KIF6: variants seen among roughly 807,000 people sequenced by gnomAD.
The protein encoded by KIF6 is kinesin-like protein KIF6.
A neutral mutation model predicts 112.7 loss-of-function variants in KIF6; 106 were observed. The observed-to-expected ratio is 0.94, with a 90% confidence interval of 0.80 to 1.11. The LOEUF (loss-of-function observed/expected upper bound fraction) is 1.11, where lower values mean the gene tolerates loss of function less well. Among genes scored for constraint, KIF6 ranks in the 50% least tolerant of loss-of-function variants. The pLI is 0.00. For missense variants in KIF6, 929 were observed against 964.0 expected, an observed-to-expected ratio of 0.96 and a Z score of 0.48; for synonymous variants, 339 against 339.9, an observed-to-expected ratio of 1.00 and a Z score of 0.03.
chr6:39,472,746 A>T (rs1774193028), intron 13 of KIF6, among the ~76,000 whole-genome samples: 1 of 152,228 alleles, frequency 6.6e-6, no homozygotes, highest in Non-Finnish European at 1.5e-5. Context: ...GCCCTGGCCA[A>T]GTAGGCCAGT....
intron 10 of KIF6, among the ~76,000 whole-genome samples, chr6:39,549,065 C>T (rs1322236003): frequency 6.6e-6 from 1 of 152,158 alleles, no homozygotes; most frequent in Non-Finnish European, 1.5e-5. Context: ...AAATTGACTG[C>T]TAATGAAATA....
At chr6:39,634,732 T>C in intron 5 of KIF6, 117 bp downstream of exon 5, 1 of 727,038 alleles carries the variant, frequency 1.4e-6, no homozygotes, top group South Asian at 1.6e-5. Flanking sequence ...AAAGATACGG[T>C]TATCCAGTAT....
chr6:39,713,268 T>G (rs564971783), intron 3 of KIF6, among the ~76,000 whole-genome samples: 2 of 152,338 alleles, frequency 1.3e-5, no homozygotes, highest in South Asian at 4.1e-4. Flanking sequence ...AGTGATCAAC[T>G]GTGTCAAAAT....
At chr6:39,360,640 C>A in intron 17 of KIF6, 110 bp from the exon 18 acceptor site, 1 of 1,291,330 alleles carries the variant, frequency 7.7e-7, no homozygotes, top group East Asian at 2.4e-5. Flanking sequence ...CAGAGCTGCC[C>A]TGGTGCTCAG....
chr6:39,496,981 C>T (rs1437257299), intron 13 of KIF6, among the ~76,000 whole-genome samples: 2 of 152,252 alleles, frequency 1.3e-5, no homozygotes, highest in African/African-American at 4.8e-5. Flanking sequence ...AAAGATTCCA[C>T]ACTGATGCTT....
At chr6:39,573,873 T>C (rs982002699) in intron 10 of KIF6, among the ~76,000 whole-genome samples, 9 of 152,222 alleles carry the variant, frequency 5.9e-5, no homozygotes, top group African/African-American at 2.2e-4. Context: ...AGGATCTAGG[T>C]TTTGCTCATA....
At chr6:39,625,824 C>T (rs1482476615) in intron 5 of KIF6, among the ~76,000 whole-genome samples, 2 of 152,074 alleles carry the variant, frequency 1.3e-5, no homozygotes, top group African/African-American at 4.8e-5. Flanking sequence ...GGAGAACTGG[C>T]TTCCAAAAGG....
chr6:39,564,198 G>A (rs564449849), intron 10 of KIF6, among the ~76,000 whole-genome samples: 100 of 152,258 alleles, frequency 6.6e-4, no homozygotes, highest in African/African-American at 2.1e-3. Flanking sequence ...GAAAAAGAAG[G>A]GGAAATCTGA....
intron 6 of KIF6, among the ~76,000 whole-genome samples, chr6:39,604,368 A>G (rs981361483): frequency 2.6e-5 from 4 of 152,162 alleles, no homozygotes; most frequent in African/African-American, 9.6e-5. Context: ...TCAGCCTGGA[A>G]AAGTGAGACC....
At chr6:39,694,352 C>T (rs1208743101) in intron 3 of KIF6, among the ~76,000 whole-genome samples, 1 of 151,998 alleles carries the variant, frequency 6.6e-6, no homozygotes, top group Non-Finnish European at 1.5e-5. Flanking sequence ...TAAAAGGCGT[C>T]CAAACAGAAA....
At chr6:39,372,910 C>T (rs767320543) in intron 16 of KIF6, among the ~76,000 whole-genome samples, 10 of 152,140 alleles carry the variant, frequency 6.6e-5, no homozygotes, top group Non-Finnish European at 1.2e-4. Context: ...TGTTCTTTCC[C>T]AAACTAATCA....
intron 13 of KIF6, among the ~76,000 whole-genome samples, chr6:39,448,336 G>A (rs1000338702): frequency 1.3e-5 from 2 of 151,890 alleles, no homozygotes; most frequent in Non-Finnish European, 2.9e-5. Context: ...CACCACACCC[G>A]GCTGATTTTT....
intron 13 of KIF6, among the ~76,000 whole-genome samples, chr6:39,483,596 G>A (rs1432971995): frequency 6.6e-6 from 1 of 152,138 alleles, no homozygotes; most frequent in Non-Finnish European, 1.5e-5. Flanking sequence ...TTTAGAGCAG[G>A]TTTTAAACCA....
intron 10 of KIF6, among the ~76,000 whole-genome samples, chr6:39,562,482 C>A (rs1004609503): frequency 2.6e-5 from 4 of 152,202 alleles, no homozygotes; most frequent in South Asian, 4.1e-4. Context: ...TTTTTGATAC[C>A]GAACCACGCA....
At chr6:39,629,159 A>G (rs963895291) in intron 5 of KIF6, among the ~76,000 whole-genome samples, 1 of 152,134 alleles carries the variant, frequency 6.6e-6, no homozygotes, top group African/African-American at 2.4e-5. Flanking sequence ...TTGTGTAGAC[A>G]TAAGTTTTCA....
intron 13 of KIF6, among the ~76,000 whole-genome samples, chr6:39,489,049 T>C (rs920003911): frequency 7.2e-5 from 11 of 152,312 alleles, no homozygotes; most frequent in Non-Finnish European, 1.5e-4. Flanking sequence ...AATTTTAAGT[T>C]CAGGGAAAAT....
At chr6:39,557,579 A>G (rs1779773326) in intron 10 of KIF6, among the ~76,000 whole-genome samples, 1 of 150,332 alleles carries the variant, frequency 6.7e-6, no homozygotes, top group South Asian at 2.1e-4. Context: ...ATTTAACAAT[A>G]AAAAAGTAAA....
chr6:39,545,189 T>C lies in KIF6; in HGVS notation c.1287+394A>G, dbSNP rs141421056. Among the ~76,000 whole-genome samples, 5 of 152,366 alleles carry C rather than the reference T, an allele frequency of 3.3e-5. No individual in the cohort carries two copies. The East Asian group carries it at 5.8e-4, about 18-fold the overall frequency. Reference sequence around the variant, plus strand: ...AGTGAGCTAAAAGTAAAAGTGATTATATTCCCAGCCCCTTGTCATGAAAAT... The same window carrying C: ...AGTGAGCTAAAAGTAAAAGTGATTACATTCCCAGCCCCTTGTCATGAAAAT... On this transcript the variant is annotated intron_variant, in intron 11 of 22. Transcript: ENST00000287152.
intron 13 of KIF6, among the ~76,000 whole-genome samples, chr6:39,529,972 CCTT>C (rs1166884448): frequency 2.0e-5 from 3 of 152,214 alleles, no homozygotes; most frequent in African/African-American, 7.2e-5. Context: ...TAAATCCTCT[CCTT>C]CTCCTTTGAA....
Sources: gnomAD v4.1 joint callset for allele counts (sites outside exome capture counted in the v4.1 genomes callset) on GRCh38, gnomAD v4.1.1 for gene constraint, MANE v1.5 for transcripts, NCBI Gene and HGNC (gene_info 2026-07-23, HGNC 2026-07-21) for gene names.